BRCA1: variants seen among roughly 807,000 people sequenced by gnomAD.
BRCA1 encodes breast cancer type 1 susceptibility protein.
Under a neutral mutation model 173.7 loss-of-function variants are expected in BRCA1, and 140 were observed. That is an observed-to-expected ratio of 0.81 (90% confidence interval 0.70 to 0.93). The LOEUF (loss-of-function observed/expected upper bound fraction) is 0.93, where lower values mean the gene tolerates loss of function less well. Ranked by LOEUF, BRCA1 falls within the 40% of genes least tolerant of loss-of-function variation. BRCA1 has a pLI of 0.00. For missense variants in BRCA1, 1,983 were observed against 2,172.5 expected (o/e 0.91, Z 1.73); for synonymous variants, 662 against 756.0 (o/e 0.88, Z 2.04).
chr17:43,130,226 G>T (rs182454480), upstream of BRCA1, among the ~76,000 whole-genome samples: 65 of 152,226 alleles, frequency 4.3e-4, no homozygotes, highest in Admixed American at 1.0e-3. Flanking sequence ...TTGTTGCCCA[G>T]GCTGGTCTTC....
chr17:43,076,815 AAAT>A (rs1251371084), intron 12 of BRCA1, among the ~76,000 whole-genome samples: 1 of 152,202 alleles, frequency 6.6e-6, no homozygotes, highest in African/African-American at 2.4e-5. Context: ...AATGATTAAA[AAAT>A]AATAATGATA....
At chr17:43,134,144 T>C (rs961771342) in intron 1 of BRCA1, among the ~76,000 whole-genome samples, 1 of 152,238 alleles carries the variant, frequency 6.6e-6, no homozygotes, top group African/African-American at 2.4e-5. Context: ...GGTACCTTTT[T>C]TCTTGTACAA....
chr17:43,159,106 C>G (rs1313587649), intron 1 of BRCA1, among the ~76,000 whole-genome samples: 1 of 152,182 alleles, frequency 6.6e-6, no homozygotes, highest in Non-Finnish European at 1.5e-5. Flanking sequence ...CACAAATTAG[C>G]TGGGCATGGT....
At chr17:43,102,810 G>C (rs1221891258) in intron 6 of BRCA1, among the ~76,000 whole-genome samples, 1 of 151,990 alleles carries the variant, frequency 6.6e-6, no homozygotes, top group Non-Finnish European at 1.5e-5. Flanking sequence ...ACACCACCAT[G>C]CCCAGATAAT....
At chr17:43,062,751 C>T (rs967236250) in intron 18 of BRCA1, among the ~76,000 whole-genome samples, 2 of 151,934 alleles carry the variant, frequency 1.3e-5, no homozygotes, top group African/African-American at 4.8e-5. Flanking sequence ...GCGCATGCCA[C>T]CACGCTGAGT....
chr17:43,146,297 T>A (rs1409096558), intron 1 of BRCA1, among the ~76,000 whole-genome samples: 1 of 140,474 alleles, frequency 7.1e-6, no homozygotes, highest in Admixed American at 7.3e-5. Context: ...AGATTTTTGT[T>A]ACTTTTTTTT....
At chr17:43,160,570 G>A (rs2154581719) in intron 1 of BRCA1, 1 of 152,274 alleles carries the variant, frequency 6.6e-6, no homozygotes, top group South Asian at 2.1e-4. Flanking sequence ...AACCGATTAG[G>A]TCCGGGATTG....
intron 6 of BRCA1, among the ~76,000 whole-genome samples, chr17:43,103,324 A>G (rs943510435): frequency 6.6e-6 from 1 of 151,880 alleles, no homozygotes; most frequent in Admixed American, 6.6e-5. Flanking sequence ...AAAATTAGCC[A>G]GGTCTGGTGT....
At chr17:43,137,066 T>C (rs957653521) in intron 1 of BRCA1, among the ~76,000 whole-genome samples, 1 of 151,922 alleles carries the variant, frequency 6.6e-6, no homozygotes, top group East Asian at 1.9e-4. Flanking sequence ...ATTAAGAAAA[T>C]GTGGCACATA....
chr17:43,070,946 G>C lies in BRCA1; in HGVS notation c.4968C>G (p.Gly1656=), dbSNP rs2052360410. 1 of 1,614,120 alleles carries C rather than the reference G, an allele frequency of 6.2e-7. No individual in the cohort carries two copies. The highest frequency in any genetic ancestry group is 1.1e-5 in the South Asian group (1 of 91,076). The change falls in exon 15 of 23, where the codon GGC becomes GGG. Residue 1656 remains glycine (G), a synonymous_variant. Transcript: ENST00000357654. ...VNKRMSMVVS[G]LTPEEFMLVY... ...CACTCACAAATTCTTCTGGGGTCAG[G>C]CCAGACACCACCATGGACATTCTTT... is the stretch of plus-strand genomic sequence containing the variant.
chr17:43,089,549 CTT>C (rs869038623), intron 11 of BRCA1, among the ~76,000 whole-genome samples: 10 of 121,674 alleles, frequency 8.2e-5, no homozygotes, highest in Admixed American at 1.7e-4. Flanking sequence ...TGTGTACTTT[CTT>C]TTTTTTTTTT....
At chr17:43,109,898 CTT>C (rs879354024) in intron 3 of BRCA1, among the ~76,000 whole-genome samples, 26 of 141,540 alleles carry the variant, frequency 1.8e-4, no homozygotes, top group Admixed American at 3.6e-4. Context: ...GGATTCGAAT[CTT>C]TTTTTTTTTT....
At position 43,092,484 on chromosome 17, in the gene BRCA1, T is replaced by C. The variant is rs1567793123; in HGVS notation, c.3047A>G (p.Asn1016Ser). 2.5e-6 allele frequency: 4 copies of C among 1,614,032 alleles called. No homozygotes were observed. Among genetic ancestry groups the C allele is most frequent in the Non-Finnish European group, 3.4e-6 (4 of 1,179,964 alleles). Residue 1016 changes from asparagine (N) to serine (S), a missense_variant, in exon 10 of 23, where the codon AAT (asparagine) becomes AGT (serine). By Grantham distance (46) the Asn-to-Ser change is conservative. Coordinates refer to ENST00000357654, the MANE Select transcript of BRCA1 (RefSeq NM_007294.4). ...GCTCACTGTACTTGGAATGTTCTCA[T>C]TTCCCATTTCTCTTTCAGGTGACAT... ...HSMSPEREMG[N>S]ENIPSTVSTI... is the part of the protein sequence containing the mutation.
chr17:43,147,042 T>C (rs1287468137), intron 1 of BRCA1, among the ~76,000 whole-genome samples: 2 of 152,192 alleles, frequency 1.3e-5, no homozygotes, highest in Non-Finnish European at 2.9e-5. Context: ...TTCACTCTTG[T>C]TGCCCAGGCT....
At chr17:43,100,427 C>T (rs1461728481) in intron 6 of BRCA1, among the ~76,000 whole-genome samples, 3 of 146,678 alleles carry the variant, frequency 2.0e-5, no homozygotes, top group Admixed American at 7.1e-5. Flanking sequence ...CTGCAACCTC[C>T]GCCTCCTAAG....
At chr17:43,157,157 G>A (rs922740798) in intron 1 of BRCA1, among the ~76,000 whole-genome samples, 3 of 152,168 alleles carry the variant, frequency 2.0e-5, no homozygotes, top group South Asian at 4.1e-4. Context: ...ACTACCAATC[G>A]TCAGAAATAG....
intron 1 of BRCA1, among the ~76,000 whole-genome samples, chr17:43,143,416 G>T (rs1271843331): frequency 6.6e-6 from 1 of 152,080 alleles, no homozygotes; most frequent in Non-Finnish European, 1.5e-5. Flanking sequence ...GGCTCACTTT[G>T]CTTAGAACCC....
At chr17:43,100,153 C>G (rs1049787471) in intron 6 of BRCA1, among the ~76,000 whole-genome samples, 3 of 151,962 alleles carry the variant, frequency 2.0e-5, no homozygotes, top group Non-Finnish European at 4.4e-5. Context: ...AGAGTGAGAC[C>G]CAGTCTCTAC....
chr17:43,126,874 G>T (rs1409044202), upstream of BRCA1, among the ~76,000 whole-genome samples: 3 of 152,100 alleles, frequency 2.0e-5, no homozygotes, highest in Non-Finnish European at 4.4e-5. Flanking sequence ...GCTGCGCGCA[G>T]CGCTCGCCAG....
Sources: gnomAD v4.1 joint callset for allele counts (sites outside exome capture counted in the v4.1 genomes callset) on GRCh38, gnomAD v4.1.1 for gene constraint, MANE v1.5 for transcripts, NCBI Gene and HGNC (gene_info 2026-07-23, HGNC 2026-07-21) for gene names.